Variants in RTL5 observed in about 807,000 individuals in gnomAD.
RTL5 encodes retrotransposon Gag-like protein 5.
Under a neutral mutation model 7.7 loss-of-function variants are expected in RTL5, and 8 were observed. The observed-to-expected ratio is 1.04, with a 90% CI of 0.61 to 1.88. The LOEUF (loss-of-function observed/expected upper bound fraction) is 1.88, where lower values mean the gene tolerates loss of function less well. Among genes scored for constraint, RTL5 ranks in the 40% most tolerant of loss-of-function variants. The probability of loss-of-function intolerance (pLI) is 0.00; values close to 1 mark genes in which losing one functional copy is unlikely to be tolerated. For synonymous variants in RTL5, 188 were observed against 191.8 expected (o/e 0.98, Z 0.16); for missense variants, 457 against 472.7 (o/e 0.97, Z 0.31).
exon 1 of RTL5, chrX:72,130,078 T>G (rs781715793): frequency 9.9e-6 from 12 of 1,208,934 alleles, no homozygotes. Flanking sequence ...TTCGGCGTGG[T>G]AACCACTTGT....
At chrX:72,131,377 C>A (rs765450814) in exon 1 of RTL5, 57 of 1,210,220 alleles carry the variant, frequency 4.7e-5, no homozygotes, top group Non-Finnish European at 6.4e-5. Flanking sequence ...TACTGGCCAG[C>A]GGATGTAGCT....
chrX:72,131,440 A>G, exon 1 of RTL5: 1 of 1,210,819 alleles, frequency 8.3e-7, no homozygotes, highest in Non-Finnish European at 1.1e-6. Flanking sequence ...CCCGAGCTGG[A>G]GGCCCAAATT....
exon 1 of RTL5, chrX:72,131,763 G>T: frequency 1.5e-5 from 4 of 259,549 alleles, no homozygotes; most frequent in Non-Finnish European, 2.0e-5. Context: ...CCTCGTCGCC[G>T]GGGCCGGAGA....
chrX:72,127,288 C>T (rs1287000999), downstream of RTL5: 2 of 79,516 alleles, frequency 2.5e-5, no homozygotes, highest in African/African-American at 9.6e-5. Flanking sequence ...CCCCCCACCC[C>T]TCTTTCAACC....
rs773354658 is a variant in RTL5, at chrX:72,130,535, C to T, written c.1006G>A (p.Glu336Lys). ...TAGTACTCTTCATCTTCACTTTCTT[C>T]CTCATTGGGACTCGGAGCAAAAGGG... The change falls in exon 1 of 1, where the codon GAA becomes AAA. Residue 336 changes from glutamate (E) to lysine (K), a missense_variant. Transcript: ENST00000609883. 48 of 1,211,112 alleles carry T rather than the reference C, an allele frequency of 4.0e-5. No homozygotes were observed. In the Admixed American group the frequency reaches 1.0e-3, roughly 25 times the overall value.
At chrX:72,127,349 AC>A (rs1311078875), downstream of RTL5, 7 of 95,804 alleles carry the variant, frequency 7.3e-5, no homozygotes, top group African/African-American at 2.4e-4. Flanking sequence ...TATGGCTGTT[AC>A]ATCACAACAA....
exon 1 of RTL5, chrX:72,127,781 C>A (rs967568656): frequency 1.8e-5 from 2 of 112,834 alleles, no homozygotes; most frequent in African/African-American, 6.5e-5. Flanking sequence ...GAAAACCAGA[C>A]AATTGAAAGG....
chrX:72,130,788 G>A (rs752615330), exon 1 of RTL5: 24 of 1,209,984 alleles, frequency 2.0e-5, no homozygotes, highest in Non-Finnish European at 2.2e-5. Flanking sequence ...CATAGCTGCC[G>A]AGGGTACAGT....
At chrX:72,129,920 G>A (rs1438886636) in exon 1 of RTL5, 7 of 1,209,336 alleles carry the variant, frequency 5.8e-6, no homozygotes, top group African/African-American at 3.5e-5. Context: ...CGAACTTGGC[G>A]TTGTCCTAAA....
exon 1 of RTL5, chrX:72,130,021 C>A: frequency 8.3e-7 from 1 of 1,211,169 alleles, no homozygotes; most frequent in South Asian, 1.8e-5. Context: ...ATTCTGGTTC[C>A]TCCGTCTGCT....
At chrX:72,129,552 C>G (rs1355987846) in exon 1 of RTL5, 6 of 331,355 alleles carry the variant, frequency 1.8e-5, no homozygotes, top group Non-Finnish European at 2.6e-5. Context: ...GGAACAGGCC[C>G]AGAAACTTGC....
chrX:72,129,937 G>T, exon 1 of RTL5: 1 of 1,211,383 alleles, frequency 8.3e-7, no homozygotes, highest in Non-Finnish European at 1.1e-6. Flanking sequence ...TAAACGACCT[G>T]TGCGGCGAAT....
At chrX:72,131,203 G>T (rs763777825) in exon 1 of RTL5, 1 of 1,199,520 alleles carries the variant, frequency 8.3e-7, no homozygotes, top group Non-Finnish European at 1.1e-6. Context: ...CCCGTCGGGG[G>T]TGCTGCGATC....
chrX:72,130,280 T>C, exon 1 of RTL5: 1 of 1,198,616 alleles, frequency 8.3e-7, no homozygotes, highest in Non-Finnish European at 1.1e-6. Context: ...TCTTCATCCT[T>C]ACTCTCTCCT....
Position 72,130,908 on chromosome X carries a change from GCTTC to G in RTL5, c.629_632del (p.Gly210AlafsTer90). 1 of 1,211,910 alleles carries G rather than the reference GCTTC, an allele frequency of 8.3e-7. No individual in the cohort carries two copies. The highest frequency in any genetic ancestry group is 1.1e-6 in the Non-Finnish European group (1 of 895,420). ...AGCGCGGGAAGTTGGCATGCAAGGG[GCTTC>G]CTTCCTGGGTGACCGAGATGGCCCA... On this transcript the variant is annotated frameshift_variant, in exon 1 of 1. Coordinates refer to ENST00000609883, the Ensembl canonical transcript of RTL5. LOFTEE classifies it low-confidence loss of function (END_TRUNC).
chrX:72,127,630 G>GAAGAATAGCAGGTCC (rs2042239155), downstream of RTL5: 1 of 103,707 alleles, frequency 9.6e-6, no homozygotes, highest in Non-Finnish European at 2.0e-5. Flanking sequence ...AGGGTCCACT[G>GAAGAATAGCAGGTCC]CCTCGAAGAA....
chrX:72,129,955 G>C (rs1420211653), exon 1 of RTL5: 1 of 1,211,606 alleles, frequency 8.3e-7, no homozygotes, highest in Non-Finnish European at 1.1e-6. Flanking sequence ...AATCAGTTGG[G>C]GGGAGCTGTA....
exon 1 of RTL5, chrX:72,131,533 T>A: frequency 6.8e-6 from 8 of 1,182,223 alleles, no homozygotes; most frequent in Non-Finnish European, 9.1e-6. Flanking sequence ...TCCTGACGCC[T>A]CAGACATCTC....
At chrX:72,127,272 T>G, downstream of RTL5, 1 of 86,827 alleles carries the variant, frequency 1.2e-5, no homozygotes, top group East Asian at 4.6e-4. Flanking sequence ...CCTGCATGCA[T>G]CCCCTCCCCC....
Sources: allele counts gnomAD v4.1 joint callset, GRCh38; gene constraint gnomAD v4.1.1; transcripts MANE v1.5; gene names NCBI Gene and HGNC (gene_info 2026-07-23, HGNC 2026-07-21).